FKTN: variants seen among roughly 807,000 people sequenced by gnomAD.
The protein encoded by FKTN is ribitol-5-phosphate transferase FKTN.
FKTN carries 47 observed loss-of-function variants against 58.6 expected under a neutral mutation model. The observed-to-expected ratio is 0.80, with a 90% confidence interval of 0.63 to 1.02. The LOEUF (loss-of-function observed/expected upper bound fraction) is 1.02, where lower values mean the gene tolerates loss of function less well. FKTN is among the 50% of genes least tolerant of loss of function. FKTN has a pLI of 0.00. For missense variants in FKTN, 516 were observed against 537.3 expected, an observed-to-expected ratio of 0.96 and a Z score of 0.39; for synonymous variants, 178 against 191.9, an observed-to-expected ratio of 0.93 and a Z score of 0.60.
Position 105,638,686 on chromosome 9 carries a change from A to AT in FKTN, c.*3432dup, listed in dbSNP as rs879020291. The stretch of plus-strand genomic sequence containing the variant: ...CTGGAGTCACTTTGCAGTTTTCAAG[A>AT]TTTTTTTTTTATCTGCTTGGCTGGA... On this transcript the variant is annotated 3_prime_UTR_variant, in exon 11 of 11. Coordinates refer to ENST00000357998, the MANE Select transcript of FKTN (RefSeq NM_001079802.2). 3.3e-3 allele frequency: 3,103 copies of AT among 931,784 alleles called. 33 individuals carry two copies. In the African/African-American group the frequency reaches 0.036, roughly 11 times the overall value. 57.7% of individuals were successfully genotyped at this position (931,784 alleles called of 1,614,324 possible).
In FKTN at chr9:105,639,711, G is replaced by A; in HGVS notation, c.*4447G>A. ...TTATATTACATTAATACAATATATG[G>A]TTTGTGAATTCAGAGACATTACCAG... is the stretch of plus-strand genomic sequence containing the variant. On this transcript the variant is annotated 3_prime_UTR_variant, in exon 11 of 11. Transcript: ENST00000357998. 1.1e-6 allele frequency: 1 copy of A among 943,200 alleles called. No individual in the cohort carries two copies. Among genetic ancestry groups the A allele is most frequent in the Non-Finnish European group, 1.3e-6 (1 of 783,808 alleles). The allele number at this position is 943,200 out of a possible 1,614,324, so 58.4% of individuals were successfully genotyped here.
rs1000175240 is a variant in FKTN, at chr9:105,573,675, A to G, written c.-160A>G. The G allele has an allele frequency of 6.6e-6, 1 of 152,180 alleles. No individual in the cohort carries two copies. The highest frequency in any genetic ancestry group is 6.5e-5 in the Admixed American group (1 of 15,276). 9.4% of individuals were successfully genotyped at this position (152,180 alleles called of 1,614,324 possible). On this transcript the variant is annotated 5_prime_UTR_variant, in exon 2 of 11. The change abolishes an upstream ATG in the 5' untranslated region. Transcript: ENST00000357998. ...TACAGATTGAAAGGAAACACACTGA[A>G]TGAGGAAAAACTAACATACGGTCAT...
chr9:105,600,546 T>C (rs958549411), intron 4 of FKTN, among the ~76,000 whole-genome samples: 2 of 152,140 alleles, frequency 1.3e-5, no homozygotes, highest in Non-Finnish European at 2.9e-5. Context: ...CCAGCAGAGT[T>C]ATATTTTGAA....
At chr9:105,582,047 C>G (rs927438043) in intron 3 of FKTN, among the ~76,000 whole-genome samples, 2 of 152,148 alleles carry the variant, frequency 1.3e-5, no homozygotes, top group African/African-American at 4.8e-5. Context: ...CGCGCACCCA[C>G]TAGCCTGCGC....
chr9:105,592,959 C>G (rs1409989013), intron 3 of FKTN, among the ~76,000 whole-genome samples: 1 of 152,198 alleles, frequency 6.6e-6, no homozygotes, highest in Non-Finnish European at 1.5e-5. Flanking sequence ...TACCCAGTTC[C>G]AAAGTTACTT....
intron 3 of FKTN, among the ~76,000 whole-genome samples, chr9:105,580,105 C>T (rs1304305166): frequency 6.6e-6 from 1 of 151,904 alleles, no homozygotes; most frequent in Non-Finnish European, 1.5e-5. Flanking sequence ...ACTGGTGGGT[C>T]TTGACTCTTT....
In FKTN at chr9:105,575,073, C is replaced by T. The variant is rs149033995; in HGVS notation, c.41C>T (p.Thr14Met). ...AAGAACGTGGTTTTGGCCCTTTTAACGCTGACAAGTTCTGCATTTCTGCTG... is the reference window on the plus strand; with the variant it reads ...AAGAACGTGGTTTTGGCCCTTTTAATGCTGACAAGTTCTGCATTTCTGCTG... ...INKNVVLALL[T>M]LTSSAFLLFQ... The change falls in exon 3 of 11, where the codon ACG becomes ATG. Residue 14 changes from threonine to methionine, a missense_variant. Thr to Met is a moderately conservative substitution (Grantham distance 81). Coordinates refer to ENST00000357998, the MANE Select transcript of FKTN (RefSeq NM_001079802.2). The T allele has an allele frequency of 3.7e-5, 60 of 1,612,080 alleles. No homozygotes were observed. In the Middle Eastern group the frequency reaches 8.3e-4, roughly 22 times the overall value.
intron 1 of FKTN, among the ~76,000 whole-genome samples, chr9:105,573,112 G>GTAAT (rs1841048883): frequency 6.6e-6 from 1 of 152,004 alleles, no homozygotes; most frequent in African/African-American, 2.4e-5. Context: ...GCAGGCACCT[G>GTAAT]TAATCCCAGT....
rs886063327 is a variant in FKTN at position 105,636,945 on chromosome 9, G to A, written c.*1681G>A. The A allele has an allele frequency of 7.0e-5, 73 of 1,040,780 alleles. No individual in the cohort carries two copies. The highest frequency in any genetic ancestry group is 6.3e-5 in the South Asian group (2 of 31,990). The allele number at this position is 1,040,780 out of a possible 1,614,324, so 64.5% of individuals were successfully genotyped here. ...TTGCATTCTCAATGCAGAATTATTG[G>A]GTCTTTCATAAATAACATGAGTGGT... is the stretch of plus-strand genomic sequence containing the variant. On this transcript the variant is annotated 3_prime_UTR_variant, in exon 11 of 11. Coordinates refer to ENST00000357998, the MANE Select transcript of FKTN (RefSeq NM_001079802.2).
intron 1 of FKTN, among the ~76,000 whole-genome samples, chr9:105,569,786 C>T (rs368667066): frequency 2.0e-5 from 3 of 152,274 alleles, no homozygotes; most frequent in East Asian, 1.9e-4. Context: ...TAACTCCCCT[C>T]GTTACATCTT....
At chr9:105,613,327 C>T (rs778733924) in intron 7 of FKTN, among the ~76,000 whole-genome samples, 7 of 152,136 alleles carry the variant, frequency 4.6e-5, no homozygotes, top group Non-Finnish European at 8.8e-5. Context: ...GCACTTATGG[C>T]TTTGAGGAAA....
Position 105,604,331 on chromosome 9 carries a change from T to C in FKTN, c.486T>C (p.Tyr162=). ...CTGGAACTGAAATCCCCCTGCACTA[T>C]ATCTGCAAACTGGCCACTCATGCGA... ...SLSGTEIPLH[Y]ICKLATHAIH... is the part of the protein sequence containing the mutation. Residue 162 remains tyrosine, a synonymous_variant, in exon 6 of 11, where the codon TAT becomes TAC. Transcript: ENST00000357998. 6.2e-7 allele frequency: 1 copy of C among 1,614,144 alleles called. No individual in the cohort carries two copies. Among genetic ancestry groups the C allele is most frequent in the Non-Finnish European group, 8.5e-7 (1 of 1,180,014 alleles).
intron 3 of FKTN, among the ~76,000 whole-genome samples, chr9:105,593,030 T>A (rs1030882443): frequency 6.6e-6 from 1 of 152,228 alleles, no homozygotes; most frequent in Non-Finnish European, 1.5e-5. Context: ...CTGTAGTTAG[T>A]CTGTTCTCGA....
At chr9:105,594,043 A>C (rs1826283129) in intron 3 of FKTN, among the ~76,000 whole-genome samples, 1 of 152,194 alleles carries the variant, frequency 6.6e-6, no homozygotes, top group South Asian at 2.1e-4. Flanking sequence ...TTTAAGATGG[A>C]ATAAATAATA....
chr9:105,574,409 A>G (rs1841315300), intron 2 of FKTN: 1 of 152,262 alleles, frequency 6.6e-6, no homozygotes, highest in South Asian at 2.1e-4. Context: ...TGAAAGAACA[A>G]AATGTTTATT....
chr9:105,596,250 A>G (rs1055618836), intron 3 of FKTN, among the ~76,000 whole-genome samples: 4 of 152,196 alleles, frequency 2.6e-5, no homozygotes, highest in African/African-American at 9.6e-5. Context: ...ATATATGGCA[A>G]TATGTTGAGA....
chr9:105,589,515 G>C (rs1052022677), intron 3 of FKTN, among the ~76,000 whole-genome samples: 1 of 151,664 alleles, frequency 6.6e-6, no homozygotes, highest in Non-Finnish European at 1.5e-5. Context: ...AAAAAACTGG[G>C]GGGGGCGGGT....
chr9:105,635,102 G>C lies in FKTN; in HGVS notation c.1224G>C (p.Lys408Asn), dbSNP rs200091271. ...TLCWTEFVDM[K>N]VHVPCETLEY... ...GCTGGACTGAGTTTGTAGACATGAA[G>C]GTCCATGTACCCTGTGAAACCCTCG... The change falls in exon 11 of 11, where the codon AAG becomes AAC. Residue 408 changes from lysine to asparagine, a missense_variant. By Grantham distance (94) the Lys-to-Asn change is moderately conservative. Coordinates refer to ENST00000357998, the MANE Select transcript of FKTN (RefSeq NM_001079802.2). The C allele has an allele frequency of 1.2e-6, 2 of 1,614,036 alleles. No homozygotes were observed. Among genetic ancestry groups the C allele is most frequent in the Non-Finnish European group, 1.7e-6 (2 of 1,179,948 alleles).
chr9:105,638,443 A>G lies in FKTN; in HGVS notation c.*3179A>G, dbSNP rs1834200142. On this transcript the variant is annotated 3_prime_UTR_variant, in exon 11 of 11. Coordinates refer to ENST00000357998, the MANE Select transcript of FKTN (RefSeq NM_001079802.2). ...ACAATAAGACAGTTCACATCTGGAG[A>G]CATCAGCCTTTGGTACCTAATTCTC... The G allele has an allele frequency of 7.1e-6, 7 of 985,278 alleles. No individual in the cohort carries two copies. The highest frequency in any genetic ancestry group is 8.4e-6 in the Non-Finnish European group (7 of 829,920). The allele number at this position is 985,278 out of a possible 1,614,324, so 61.0% of individuals were successfully genotyped here.
Sources: gnomAD v4.1 joint callset for allele counts (sites outside exome capture counted in the v4.1 genomes callset) on GRCh38, gnomAD v4.1.1 for gene constraint, MANE v1.5 for transcripts, NCBI Gene and HGNC (gene_info 2026-07-23, HGNC 2026-07-21) for gene names.